The following FSTL4 variants were observed in gnomAD, a reference collection of about 807,000 sequenced individuals.
FSTL4 encodes the protein follistatin like 4, also known as follistatin-related protein 4.
FSTL4 carries 28 observed loss-of-function variants against 78.2 expected under a neutral mutation model. The ratio of observed to expected loss-of-function variants is 0.36; its 90% CI spans 0.27 to 0.49. FSTL4 has a LOEUF of 0.49. Ranked by LOEUF, FSTL4 falls within the 20% of genes least tolerant of loss-of-function variation. The pLI is 0.98. For synonymous variants in FSTL4, 422 were observed against 440.5 expected, an observed-to-expected ratio of 0.96 and a Z score of 0.53; for missense variants, 922 against 1,084.9, an observed-to-expected ratio of 0.85 and a Z score of 2.11.
At chr5:133,821,154 A>C in the FSTL4 span, among the ~76,000 whole-genome samples, 1 of 152,246 alleles carries the variant, frequency 6.6e-6, no homozygotes, top group Non-Finnish European at 1.5e-5. Flanking sequence ...AAAAATACTG[A>C]TTAAAGGAAG....
chr5:133,839,586 C>G, the FSTL4 span, among the ~76,000 whole-genome samples: 27 of 152,202 alleles, frequency 1.8e-4, no homozygotes, highest in Admixed American at 1.6e-3. Context: ...GAACATTGTA[C>G]AGAACATGCA....
At chr5:133,523,469 T>C (rs1266732084) in intron 3 of FSTL4, among the ~76,000 whole-genome samples, 1 of 151,002 alleles carries the variant, frequency 6.6e-6, no homozygotes, top group Non-Finnish European at 1.5e-5. Flanking sequence ...AGATAGTGGA[T>C]GACATAGCAA....
At chr5:133,371,607 G>A (rs1755302802) in intron 4 of FSTL4, among the ~76,000 whole-genome samples, 1 of 152,228 alleles carries the variant, frequency 6.6e-6, no homozygotes, top group African/African-American at 2.4e-5. Context: ...GTAAAGTAAT[G>A]CGGAATGTGT....
chr5:133,535,170 C>A lies in FSTL4; in HGVS notation c.160+32016G>T, dbSNP rs183001955. On this transcript the variant is annotated intron_variant, in intron 3 of 15. Coordinates refer to ENST00000265342, the MANE Select transcript of FSTL4 (RefSeq NM_015082.2). ...AGCTATCTACAAGCCAGGTAGAGCACCCTCACCAGAAATCAAGCTGGTCAG... is the reference window on the plus strand; with the variant it reads ...AGCTATCTACAAGCCAGGTAGAGCAACCTCACCAGAAATCAAGCTGGTCAG... Among the ~76,000 whole-genome samples, 178 of 152,318 alleles carry A rather than the reference C, an allele frequency of 1.2e-3. 1 individual carries two copies. Among genetic ancestry groups the A allele is most frequent in the Middle Eastern group, 0.01 (3 of 294 alleles).
Position 133,611,508 on chromosome 5 carries a change from G to A in FSTL4, c.-11+817C>T, listed in dbSNP as rs1004973459. Among the ~76,000 whole-genome samples the A allele has an allele frequency of 2.0e-5, 3 of 152,204 alleles. No homozygotes were observed. The highest frequency in any genetic ancestry group is 6.5e-5 in the Admixed American group (1 of 15,286). ...CTCCTGAAACTCAGAACTCGTCTTT[G>A]TTTTGCGGGCGCAAAGAGGGCGGAG... On this transcript the variant is annotated intron_variant, in intron 1 of 15. Transcript: ENST00000265342. The surrounding 1 kb of genome is among the most constrained non-coding windows in gnomAD (Gnocchi z 4.9).
At chr5:133,241,443 G>T (rs1424405954) in intron 7 of FSTL4, among the ~76,000 whole-genome samples, 1 of 152,190 alleles carries the variant, frequency 6.6e-6, no homozygotes, top group Non-Finnish European at 1.5e-5. Flanking sequence ...GATTATCTGG[G>T]TATACACAGA....
At chr5:133,553,485 G>A (rs1014547815) in intron 3 of FSTL4, among the ~76,000 whole-genome samples, 6 of 152,148 alleles carry the variant, frequency 3.9e-5, no homozygotes, top group African/African-American at 1.4e-4. Flanking sequence ...GAATATTTAG[G>A]TACAGTGAGG....
At chr5:133,779,266 G>A in the FSTL4 span, among the ~76,000 whole-genome samples, 1 of 152,050 alleles carries the variant, frequency 6.6e-6, no homozygotes, top group Non-Finnish European at 1.5e-5. Flanking sequence ...TCTCGACATG[G>A]TGACCAGAGA....
chr5:133,712,247 G>C, the FSTL4 span, among the ~76,000 whole-genome samples: 4 of 152,190 alleles, frequency 2.6e-5, no homozygotes, highest in Non-Finnish European at 4.4e-5. Context: ...ACTCCAGACA[G>C]GCTCTTGTGA....
At chr5:133,732,111 C>T in the FSTL4 span, among the ~76,000 whole-genome samples, 2 of 152,192 alleles carry the variant, frequency 1.3e-5, no homozygotes, top group Non-Finnish European at 2.9e-5. Flanking sequence ...CTGCTAAGGT[C>T]AATCTAGAGC....
Position 133,272,437 on chromosome 5 carries a change from T to C in FSTL4, c.728-22861A>G, listed in dbSNP as rs373497159. Among the ~76,000 whole-genome samples, 17 of 152,360 alleles carry C rather than the reference T, an allele frequency of 1.1e-4. No individual in the cohort carries two copies. In the East Asian group the frequency reaches 2.5e-3, roughly 22 times the overall value. The stretch of plus-strand genomic sequence containing the variant: ...GAGGAGGCACGCGCGTGCAGCGCCG[T>C]GACGTGCATTTAGTTACACGACGGC... On this transcript the variant is annotated intron_variant, in intron 6 of 15. Coordinates refer to ENST00000265342, the MANE Select transcript of FSTL4 (RefSeq NM_015082.2).
intron 3 of FSTL4, among the ~76,000 whole-genome samples, chr5:133,565,414 A>G (rs1358991103): frequency 6.6e-6 from 1 of 152,202 alleles, no homozygotes; most frequent in Non-Finnish European, 1.5e-5. Context: ...CCAGGTTGTA[A>G]GCATTGACGT....
In FSTL4 at chr5:133,611,625, G is replaced by T. The variant is rs1264122805; in HGVS notation, c.-11+700C>A. Among the ~76,000 whole-genome samples, 1 of 152,180 alleles carries T rather than the reference G, an allele frequency of 6.6e-6. No homozygotes were observed. Among genetic ancestry groups the T allele is most frequent in the Non-Finnish European group, 1.5e-5 (1 of 68,016 alleles). On this transcript the variant is annotated intron_variant, in intron 1 of 15. Transcript: ENST00000265342. The surrounding 1 kb of genome is among the most constrained non-coding windows in gnomAD (Gnocchi z 4.9). The stretch of plus-strand genomic sequence containing the variant: ...CTGCTCCCTAGACACGTTCAAGCGG[G>T]TACCCCGGGCCGCTCACTCTGGACC...
chr5:133,368,433 C>T (rs182480607), intron 4 of FSTL4, among the ~76,000 whole-genome samples: 15 of 152,368 alleles, frequency 9.8e-5, no homozygotes, highest in Admixed American at 6.5e-4. Flanking sequence ...GGCCCCATGC[C>T]CCTCTTCCCT....
chr5:133,212,035 A>G (rs1381520457), intron 13 of FSTL4, among the ~76,000 whole-genome samples: 1 of 152,140 alleles, frequency 6.6e-6, no homozygotes, highest in African/African-American at 2.4e-5. Context: ...TTTATTTTCT[A>G]GACTTTACAT....
chr5:133,281,403 G>A (rs985406289), intron 6 of FSTL4, among the ~76,000 whole-genome samples: 5 of 152,068 alleles, frequency 3.3e-5, no homozygotes, highest in African/African-American at 2.4e-5. Context: ...ACCCTGCCTC[G>A]CACTCTGCTA....
intron 2 of FSTL4, among the ~76,000 whole-genome samples, chr5:133,592,761 C>T (rs778727200): frequency 3.9e-5 from 6 of 152,112 alleles, no homozygotes; most frequent in Non-Finnish European, 5.9e-5. Context: ...GCTCTGTTAC[C>T]GTGTGATCTC....
chr5:133,204,660 C>A (rs938822327), intron 14 of FSTL4, among the ~76,000 whole-genome samples: 31 of 151,952 alleles, frequency 2.0e-4, no homozygotes, highest in Admixed American at 8.5e-4. Context: ...GGTGAAACCC[C>A]ATCTCTACAA....
At chr5:133,705,292 C>T in the FSTL4 span, among the ~76,000 whole-genome samples, 1 of 152,182 alleles carries the variant, frequency 6.6e-6, no homozygotes, top group Non-Finnish European at 1.5e-5. Flanking sequence ...AACTCCTGAC[C>T]TGGTGATCCA....
Sources: gnomAD v4.1 joint callset for allele counts (sites outside exome capture counted in the v4.1 genomes callset) on GRCh38, gnomAD v4.1.1 for gene constraint, Gnocchi (gnomAD v3.1) non-coding constraint, MANE v1.5 for transcripts, NCBI Gene and HGNC (gene_info 2026-07-23, HGNC 2026-07-21) for gene names.